CSMD1: variants seen among roughly 807,000 people sequenced by gnomAD.
The protein encoded by CSMD1 is CUB and sushi domain-containing protein 1.
Under a neutral mutation model 417.5 loss-of-function variants are expected in CSMD1, and 213 were observed. The ratio of observed to expected loss-of-function variants is 0.51; its 90% CI spans 0.46 to 0.57. The LOEUF is 0.57. Ranked by LOEUF, CSMD1 falls within the 20% of genes least tolerant of loss-of-function variation. CSMD1 has a pLI of 0.00. For missense variants in CSMD1, 6,923 were observed against 4,529.7 expected (o/e 1.53, Z -15.17); for synonymous variants, 2,862 against 1,736.8 (o/e 1.65, Z -16.11).
intron 3 of CSMD1, among the ~76,000 whole-genome samples, chr8:4,077,514 T>C (rs1245596259): frequency 2.6e-5 from 4 of 151,928 alleles, no homozygotes; most frequent in Admixed American, 1.3e-4. Flanking sequence ...GTTTAACTTT[T>C]TTACCATCAC....
chr8:3,971,401 A>T (rs946168199), intron 5 of CSMD1, among the ~76,000 whole-genome samples: 1 of 152,150 alleles, frequency 6.6e-6, no homozygotes, highest in African/African-American at 2.4e-5. Context: ...AAGTTTTTAT[A>T]AAATGTTTTT....
At chr8:4,077,797 T>G (rs1267942675) in intron 3 of CSMD1, among the ~76,000 whole-genome samples, 1 of 152,236 alleles carries the variant, frequency 6.6e-6, no homozygotes, top group Non-Finnish European at 1.5e-5. Context: ...CAAAAGTTGT[T>G]CTCACTCTGT....
chr8:3,811,905 A>C (rs1356092249), intron 5 of CSMD1, among the ~76,000 whole-genome samples: 7 of 152,142 alleles, frequency 4.6e-5, no homozygotes, highest in East Asian at 3.9e-4. Context: ...AAGCCTACAA[A>C]GTCTTAACAA....
At chr8:3,985,102 T>G (rs781251379) in intron 5 of CSMD1, among the ~76,000 whole-genome samples, 39 of 151,966 alleles carry the variant, frequency 2.6e-4, no homozygotes, top group Non-Finnish European at 1.0e-4. Context: ...AGGGGGGACT[T>G]GTCATGAAGA....
intron 3 of CSMD1, among the ~76,000 whole-genome samples, chr8:4,043,626 G>A (rs1051259454): frequency 1.3e-5 from 2 of 152,152 alleles, no homozygotes; most frequent in African/African-American, 4.8e-5. Context: ...TTCAAAAGAC[G>A]AAATGCATTT....
intron 2 of CSMD1, 135 bp from the exon 3 acceptor site, chr8:4,420,200 C>T (rs1205957026): frequency 5.5e-6 from 3 of 540,864 alleles, no homozygotes; most frequent in Non-Finnish European, 1.0e-5. Flanking sequence ...TTAGATAATC[C>T]ATACACATAG....
chr8:4,227,062 T>C (rs1801403945), intron 3 of CSMD1, among the ~76,000 whole-genome samples: 1 of 152,162 alleles, frequency 6.6e-6, no homozygotes, highest in African/African-American at 2.4e-5. Flanking sequence ...TGAACGACTC[T>C]GAAGGTGAAA....
At chr8:4,732,737 G>T (rs969036677) in intron 1 of CSMD1, among the ~76,000 whole-genome samples, 1 of 152,080 alleles carries the variant, frequency 6.6e-6, no homozygotes, top group Non-Finnish European at 1.5e-5. Context: ...TTAACCCTTG[G>T]CTTGATAAAG....
At chr8:3,137,740 A>G (rs533512409) in intron 41 of CSMD1, among the ~76,000 whole-genome samples, 182 of 152,334 alleles carry the variant, frequency 1.2e-3, no homozygotes, top group African/African-American at 4.3e-3. Context: ...CGATGATAAG[A>G]AAAAGAGTCT....
At chr8:4,051,753 G>A (rs140349540) in intron 3 of CSMD1, among the ~76,000 whole-genome samples, 2 of 152,164 alleles carry the variant, frequency 1.3e-5, no homozygotes, top group Non-Finnish European at 2.9e-5. Flanking sequence ...AAACACCACT[G>A]CTGGTTTTGG....
intron 1 of CSMD1, among the ~76,000 whole-genome samples, chr8:4,715,146 T>C (rs938452661): frequency 6.6e-6 from 1 of 152,180 alleles, no homozygotes; most frequent in East Asian, 1.9e-4. Context: ...AACGTAACTA[T>C]AAACTAACTA....
intron 1 of CSMD1, among the ~76,000 whole-genome samples, chr8:4,722,192 G>A (rs1809103411): frequency 6.6e-6 from 1 of 152,082 alleles, no homozygotes; most frequent in Non-Finnish European, 1.5e-5. Context: ...CTGACTATGG[G>A]AGGTGATTAA....
rs1172040830 is a variant in CSMD1, at chr8:3,268,287, C to CTTTTTTTTTTT, written c.4153+15856_4153+15857insAAAAAAAAAAA. 3.3e-4 allele frequency among the ~76,000 whole-genome samples: 38 copies of CTTTTTTTTTTT among 114,650 alleles called. 1 individual carries two copies. The highest frequency in any genetic ancestry group is 7.3e-4 in the African/African-American group (21 of 28,832). 75.2% of individuals were successfully genotyped at this position (114,650 alleles called of 152,430 possible). On this transcript the variant is annotated intron_variant, in intron 26 of 69. Transcript: ENST00000635120. Reference sequence around the variant, plus strand: ...AGGGTGTGGTCAGATGGTTCATTTCCTATTTTTTTTTTTTTTTTTTTTTTT... The same window carrying CTTTTTTTTTTT: ...AGGGTGTGGTCAGATGGTTCATTTCCTTTTTTTTTTTTATTTTTTTTTTTTTTTTTTTTTTT...
chr8:3,003,984 G>A (rs1189233956), intron 52 of CSMD1, among the ~76,000 whole-genome samples: 1 of 152,168 alleles, frequency 6.6e-6, no homozygotes, highest in Non-Finnish European at 1.5e-5. Context: ...CATAGTAGGT[G>A]TCAGCCCCAC....
At chr8:3,348,554 ATT>A (rs1808169855) in intron 21 of CSMD1, among the ~76,000 whole-genome samples, 1 of 152,116 alleles carries the variant, frequency 6.6e-6, no homozygotes, top group East Asian at 1.9e-4. Context: ...CCACGCTCCC[ATT>A]CTACCATTGT....
chr8:3,869,981 A>G (rs973085107), intron 5 of CSMD1, among the ~76,000 whole-genome samples: 1 of 151,904 alleles, frequency 6.6e-6, no homozygotes, highest in African/African-American at 2.4e-5. Flanking sequence ...AATTACAATA[A>G]TAATACATAA....
chr8:4,730,515 C>A (rs929205398), intron 1 of CSMD1, among the ~76,000 whole-genome samples: 1 of 151,924 alleles, frequency 6.6e-6, no homozygotes, highest in African/African-American at 2.4e-5. Context: ...CTGAGGCAGG[C>A]GGATCACGAG....
chr8:4,379,157 C>A (rs1802939186), intron 3 of CSMD1, among the ~76,000 whole-genome samples: 2 of 152,144 alleles, frequency 1.3e-5, no homozygotes. Flanking sequence ...TAATTTGAGA[C>A]ACTGGAAATG....
chr8:3,802,521 T>C (rs182704471), intron 5 of CSMD1, among the ~76,000 whole-genome samples: 4 of 152,284 alleles, frequency 2.6e-5, no homozygotes, highest in Admixed American at 6.5e-5. Flanking sequence ...CTAAGCTCAG[T>C]GGGAAATACA....
Sources: allele counts gnomAD v4.1 joint callset (sites outside exome capture counted in the v4.1 genomes callset), GRCh38; gene constraint gnomAD v4.1.1; transcripts MANE v1.5; gene names NCBI Gene and HGNC (gene_info 2026-07-23, HGNC 2026-07-21).